RNF130: variants seen among roughly 807,000 people sequenced by gnomAD.
RNF130 encodes E3 ubiquitin-protein ligase RNF130.
In RNF130, 21 loss-of-function variants were observed where a neutral mutation model predicts 44.6. That is an observed-to-expected ratio of 0.47 (90% CI 0.33 to 0.68). The LOEUF (loss-of-function observed/expected upper bound fraction) is 0.68, where lower values mean the gene tolerates loss of function less well. RNF130 is among the 30% of genes least tolerant of loss of function. RNF130 has a pLI of 0.02. For synonymous variants in RNF130, 214 were observed against 210.4 expected (o/e 1.02, Z -0.15); for missense variants, 479 against 560.6 (o/e 0.85, Z 1.47).
intron 3 of RNF130, among the ~76,000 whole-genome samples, chr5:180,000,910 C>A (rs1044119220): frequency 1.3e-5 from 2 of 152,176 alleles, no homozygotes; most frequent in Admixed American, 1.3e-4. Context: ...TAGGGAATTA[C>A]GTTCCTTTGA....
chr5:180,063,614 A>T (rs1224210521), intron 1 of RNF130, among the ~76,000 whole-genome samples: 1 of 152,206 alleles, frequency 6.6e-6, no homozygotes, highest in East Asian at 1.9e-4. Context: ...AGGTAACAGG[A>T]GGTACGTGGA....
rs529147377 is a variant in RNF130 at position 179,988,359 on chromosome 5, G to A, written c.694-8159C>T. On this transcript the variant is annotated intron_variant, in intron 3 of 8. Transcript: ENST00000521389. The stretch of plus-strand genomic sequence containing the variant: ...CTATTGAAAAACCAAATTTCATTGT[G>A]TTGATCCTTTGTATTGTGTTTTTAG... 2.0e-5 allele frequency among the ~76,000 whole-genome samples: 3 copies of A among 152,186 alleles called. No homozygotes were observed. The South Asian group carries it at 6.2e-4, about 32-fold the overall frequency.
chr5:180,048,344 T>C (rs1013081780), intron 1 of RNF130, among the ~76,000 whole-genome samples: 1 of 152,220 alleles, frequency 6.6e-6, no homozygotes, highest in African/African-American at 2.4e-5. Context: ...CAGGTTGCTC[T>C]GCCCTGCTTC....
intron 7 of RNF130, among the ~76,000 whole-genome samples, chr5:179,935,033 GAT>G (rs1317969057): frequency 3.9e-5 from 6 of 152,092 alleles, no homozygotes; most frequent in Admixed American, 1.3e-4. Flanking sequence ...CGTAAGTTTT[GAT>G]ATGTCATACT....
intron 3 of RNF130, among the ~76,000 whole-genome samples, chr5:180,011,442 T>C (rs1352261363): frequency 6.6e-6 from 1 of 152,184 alleles, no homozygotes; most frequent in Non-Finnish European, 1.5e-5. Context: ...GCATCATATC[T>C]CAAACTTACT....
chr5:179,950,456 T>C (rs568681429), downstream of RNF130, among the ~76,000 whole-genome samples: 1 of 152,322 alleles, frequency 6.6e-6, no homozygotes, highest in Admixed American at 6.5e-5. Context: ...TTTCTGGTTT[T>C]AGGAACAAAA....
intron 1 of RNF130, among the ~76,000 whole-genome samples, chr5:180,053,399 T>A (rs1035109433): frequency 1.3e-5 from 2 of 152,104 alleles, no homozygotes; most frequent in African/African-American, 4.8e-5. Context: ...CAAAGCTCAG[T>A]AACAAATCAT....
Position 179,955,603 on chromosome 5 carries a change from G to A in RNF130, c.*51C>T. ...ATTGGTAAATGATGCACAAAAATAG[G>A]TTCTTTTTTCCTTCAAGGCAAAATC... is the stretch of plus-strand genomic sequence containing the variant. On this transcript the variant is annotated 3_prime_UTR_variant, in exon 9 of 9. Transcript: ENST00000521389. The A allele has an allele frequency of 6.6e-7, 1 of 1,511,700 alleles. No individual in the cohort carries two copies. The highest frequency in any genetic ancestry group is 9.0e-7 in the Non-Finnish European group (1 of 1,111,816). The allele number at this position is 1,511,700 out of a possible 1,614,324, so 93.6% of individuals were successfully genotyped here.
rs954342790 is a variant in RNF130 at position 179,977,687 on chromosome 5, A to C, written c.848+516T>G. On this transcript the variant is annotated intron_variant, in intron 5 of 8. Coordinates refer to ENST00000521389, the MANE Select transcript of RNF130 (RefSeq NM_018434.6). This position sits in a 1 kb window ranked among gnomAD's most constrained non-coding sequence, Gnocchi z 4.1. ...GCCAACATGATGAAACCCCGTCTCT[A>C]CTAAAAATACAAAAATTATCTGGGC... is the stretch of plus-strand genomic sequence containing the variant. 4.6e-5 allele frequency among the ~76,000 whole-genome samples: 7 copies of C among 152,250 alleles called. No homozygotes were observed. Among genetic ancestry groups the C allele is most frequent in the African/African-American group, 7.2e-5 (3 of 41,540 alleles).
chr5:180,013,107 T>C lies in RNF130; in HGVS notation c.647A>G (p.Tyr216Cys), dbSNP rs1763629496. 1.9e-6 allele frequency: 3 copies of C among 1,613,932 alleles called. No homozygotes were observed. The highest frequency in any genetic ancestry group is 2.5e-6 in the Non-Finnish European group (3 of 1,180,018). The change falls in exon 3 of 9, where the codon TAC becomes TGC. Residue 216 changes from tyrosine (Y) to cysteine (C), a missense_variant. Physicochemically the swap from Tyr to Cys is radical, Grantham distance 194. Coordinates refer to ENST00000521389, the MANE Select transcript of RNF130 (RefSeq NM_018434.6). ...MIISSAWLIF[Y>C]FIQKIRYTNA... The stretch of plus-strand genomic sequence containing the variant: ...TGTGTACCTGATCTTCTGAATGAAG[T>C]AGAATATGAGCCATGCTGAAGAAAT...
At chr5:179,913,661 C>A (rs913599859) in exon 8 of RNF130, 1 of 152,236 alleles carries the variant, frequency 6.6e-6, no homozygotes, top group Non-Finnish European at 1.5e-5. Flanking sequence ...CTCTCTTCTT[C>A]CAAGCTCAGT....
exon 8 of RNF130, chr5:179,916,124 A>C (rs1015152286): frequency 3.3e-5 from 5 of 152,156 alleles, no homozygotes; most frequent in Non-Finnish European, 7.4e-5. Context: ...GTCACTTGCC[A>C]GTGGTTAATG....
intron 7 of RNF130, among the ~76,000 whole-genome samples, chr5:179,926,142 C>T (rs565042547): frequency 1.3e-5 from 2 of 152,264 alleles, no homozygotes; most frequent in African/African-American, 4.8e-5. Context: ...TGTCTTTGTT[C>T]TACCTCTGAT....
intron 1 of RNF130, among the ~76,000 whole-genome samples, chr5:180,065,031 G>GA (rs1161862490): frequency 6.6e-6 from 1 of 151,766 alleles, no homozygotes; most frequent in Non-Finnish European, 1.5e-5. Flanking sequence ...TCTTACTAGA[G>GA]AAAAAACACG....
At chr5:179,925,512 T>A (rs1761695644) in intron 7 of RNF130, among the ~76,000 whole-genome samples, 1 of 151,314 alleles carries the variant, frequency 6.6e-6, no homozygotes, top group Non-Finnish European at 1.5e-5. Flanking sequence ...TTTTTTCATT[T>A]ATTTATTTAT....
chr5:179,964,430 A>G (rs552603443), intron 7 of RNF130: 1 of 152,364 alleles, frequency 6.6e-6, no homozygotes, highest in East Asian at 1.9e-4. Context: ...CTGACTTGCT[A>G]AAAAGTCTTA....
intron 2 of RNF130, among the ~76,000 whole-genome samples, 190 bp from the exon 3 acceptor site, chr5:180,013,501 T>C (rs1409598246): frequency 6.6e-6 from 1 of 152,194 alleles, no homozygotes; most frequent in Non-Finnish European, 1.5e-5. Flanking sequence ...TAATTTGTTG[T>C]GTGGTACTTA....
At chr5:179,968,855 C>A (rs978583024) in intron 6 of RNF130, among the ~76,000 whole-genome samples, 1 of 152,082 alleles carries the variant, frequency 6.6e-6, no homozygotes, top group Non-Finnish European at 1.5e-5. Context: ...TGCTGCTGAA[C>A]GGTCTACGAT....
intron 7 of RNF130, among the ~76,000 whole-genome samples, chr5:179,920,793 A>ATTT (rs1478029401): frequency 5.1e-5 from 7 of 137,354 alleles, no homozygotes; most frequent in African/African-American, 2.3e-4. Context: ...ATATATATAT[A>ATTT]TATTTTTTTT....
Sources: gnomAD v4.1 joint callset for allele counts (sites outside exome capture counted in the v4.1 genomes callset) on GRCh38, gnomAD v4.1.1 for gene constraint, Gnocchi (gnomAD v3.1) non-coding constraint, MANE v1.5 for transcripts, NCBI Gene and HGNC (gene_info 2026-07-23, HGNC 2026-07-21) for gene names.